The following CDH20 variants were observed in gnomAD, a reference collection of about 807,000 sequenced individuals.
CDH20 encodes cadherin-20.
A neutral mutation model predicts 74.2 loss-of-function variants in CDH20; 29 were observed. That is an observed-to-expected ratio of 0.39 (90% CI 0.29 to 0.53). The LOEUF (loss-of-function observed/expected upper bound fraction) is 0.53. Among genes scored for constraint, CDH20 ranks in the 20% least tolerant of loss-of-function variants. The pLI, the probability that CDH20 is intolerant of heterozygous loss-of-function variation, is 0.69. For synonymous variants in CDH20, 469 were observed against 405.4 expected, an observed-to-expected ratio of 1.16 and a Z score of -1.88; for missense variants, 988 against 1,048.3, an observed-to-expected ratio of 0.94 and a Z score of 0.79.
chr18:61,429,591 A>G (rs183335240), intron 1 of CDH20, among the ~76,000 whole-genome samples: 180 of 152,266 alleles, frequency 1.2e-3, no homozygotes, highest in Middle Eastern at 3.4e-3. Flanking sequence ...GCTTTTGTCA[A>G]ATTTGGCTTA....
At chr18:61,507,627 G>C in intron 6 of CDH20, 67 bp downstream of exon 6, 1 of 1,196,310 alleles carries the variant, frequency 8.4e-7, no homozygotes, top group Non-Finnish European at 1.2e-6. Context: ...TGCTAGTAAG[G>C]ACTGTTGTAT....
intron 1 of CDH20, among the ~76,000 whole-genome samples, chr18:61,469,708 A>G (rs1201661793): frequency 1.3e-5 from 2 of 152,244 alleles, no homozygotes; most frequent in African/African-American, 4.8e-5. Context: ...ATGTAAAGAG[A>G]AAATCACCCA....
rs776614074 is a variant in CDH20 at position 61,507,525 on chromosome 18, C to A, written c.982C>A (p.Pro328Thr). The change falls in exon 6 of 12, where the codon CCC becomes ACC. Residue 328 changes from proline to threonine, a missense_variant. By Grantham distance (38) the Pro-to-Thr change is conservative. Coordinates refer to ENST00000262717, the MANE Select transcript of CDH20 (RefSeq NM_031891.4). ...AGATGCCTTTGACATTAGCACAGAT[C>A]CCAATTTCCAAGTTGGTATCATAAC... Reference protein sequence around the residue: ...GADAFDISTDPNFQVGIITVK... With the variant: ...GADAFDISTDTNFQVGIITVK... The A allele has an allele frequency of 1.2e-6, 2 of 1,611,272 alleles. No individual in the cohort carries two copies. The highest frequency in any genetic ancestry group is 1.7e-4 in the Middle Eastern group (1 of 6,054).
At chr18:61,515,157 G>T (rs544746527) in intron 6 of CDH20, among the ~76,000 whole-genome samples, 28 of 152,100 alleles carry the variant, frequency 1.8e-4, no homozygotes, top group Non-Finnish European at 3.4e-4. Flanking sequence ...GCGAGACTCC[G>T]TGGGCCTAGG....
At chr18:61,499,603 G>A in intron 3 of CDH20, 123 bp downstream of exon 3, 1 of 802,462 alleles carries the variant, frequency 1.2e-6, no homozygotes, top group Non-Finnish European at 1.9e-6. Context: ...GAGCATGAGA[G>A]GAGAAGCTCA....
chr18:61,362,569 T>A (rs965423348), intron 1 of CDH20, among the ~76,000 whole-genome samples: 1 of 152,072 alleles, frequency 6.6e-6, no homozygotes, highest in Admixed American at 6.6e-5. Context: ...AATTAGACAT[T>A]ATGTTAGACA....
chr18:61,523,273 T>G (rs1220855716), intron 6 of CDH20, among the ~76,000 whole-genome samples: 4 of 150,994 alleles, frequency 2.6e-5, no homozygotes, highest in African/African-American at 9.7e-5. Flanking sequence ...GAACAGACAC[T>G]TCTCAAAAGA....
At chr18:61,459,687 C>T (rs560607915) in intron 1 of CDH20, among the ~76,000 whole-genome samples, 1 of 152,228 alleles carries the variant, frequency 6.6e-6, no homozygotes, top group East Asian at 1.9e-4. Context: ...GAAAAATCTG[C>T]AGGCTGACAC....
chr18:61,367,430 A>G (rs1219174953), intron 1 of CDH20, among the ~76,000 whole-genome samples: 1 of 152,174 alleles, frequency 6.6e-6, no homozygotes, highest in Non-Finnish European at 1.5e-5. Flanking sequence ...ACACAGATTT[A>G]TTATCTCACA....
At chr18:61,463,428 A>G (rs1378118562) in intron 1 of CDH20, among the ~76,000 whole-genome samples, 1 of 152,158 alleles carries the variant, frequency 6.6e-6, no homozygotes, top group African/African-American at 2.4e-5. Context: ...GAGTGTAGTC[A>G]AGATTGTTGT....
chr18:61,368,205 C>T (rs1910922407), intron 1 of CDH20, among the ~76,000 whole-genome samples: 1 of 152,030 alleles, frequency 6.6e-6, no homozygotes, highest in South Asian at 2.1e-4. Context: ...ACTCCATCTG[C>T]TGCTTTAATC....
intron 6 of CDH20, among the ~76,000 whole-genome samples, chr18:61,524,186 A>G (rs946398472): frequency 5.3e-5 from 8 of 152,300 alleles, no homozygotes; most frequent in South Asian, 4.1e-4. Flanking sequence ...GACCTCCTCA[A>G]GAAGACATAG....
In CDH20 at chr18:61,554,556, T is replaced by C. The variant is rs1319367783; in HGVS notation, c.2267T>C (p.Val756Ala). The C allele has an allele frequency of 2.3e-5, 37 of 1,610,756 alleles. No homozygotes were observed. Among genetic ancestry groups the C allele is most frequent in the Non-Finnish European group, 3.1e-5 (37 of 1,178,842 alleles). ...QTYMFEGDGSVAGSLSSLQSA... is the reference protein window; with the variant it reads ...QTYMFEGDGSAAGSLSSLQSA... ...TATATGTTCGAGGGGGACGGCTCTG[T>C]GGCGGGGTCGCTGAGCTCCCTGCAG... is the stretch of plus-strand genomic sequence containing the variant. Residue 756 changes from valine (V) to alanine (A), a missense_variant, in exon 12 of 12, where the codon GTG (valine) becomes GCG (alanine). By Grantham distance (64) the Val-to-Ala change is moderately conservative. Transcript: ENST00000262717.
In CDH20 at chr18:61,528,194, C is replaced by A. The variant is rs1912506015; in HGVS notation, c.1245C>A (p.Asp415Glu). 5 of 1,614,056 alleles carry A rather than the reference C, an allele frequency of 3.1e-6. No individual in the cohort carries two copies. Among genetic ancestry groups the A allele is most frequent in the Non-Finnish European group, 3.4e-6 (4 of 1,179,988 alleles). The change falls in exon 7 of 12, where the codon GAC (aspartate) becomes GAA (glutamate). Residue 415 changes from aspartate to glutamate, a missense_variant. Transcript: ENST00000262717. ...GTTIQIISAKDPDVTNNSIRY... is the reference protein window; with the variant it reads ...GTTIQIISAKEPDVTNNSIRY... ...CCATACAGATCATTTCTGCCAAGGA[C>A]CCAGATGTGACCAACAACTCAATCA...
intron 2 of CDH20, among the ~76,000 whole-genome samples, chr18:61,498,677 C>A (rs1034482071): frequency 6.6e-6 from 1 of 152,204 alleles, no homozygotes; most frequent in South Asian, 2.1e-4. Flanking sequence ...AGGTCATTCA[C>A]TTTTCTCACT....
intron 1 of CDH20, among the ~76,000 whole-genome samples, chr18:61,444,065 T>G (rs758148257): frequency 6.6e-6 from 1 of 152,130 alleles, no homozygotes; most frequent in African/African-American, 2.4e-5. Context: ...CTTTAGAGTT[T>G]GGGGCTTATA....
intron 1 of CDH20, among the ~76,000 whole-genome samples, chr18:61,420,954 G>C (rs1296510826): frequency 6.6e-6 from 1 of 152,136 alleles, no homozygotes; most frequent in African/African-American, 2.4e-5. Context: ...GGGAGGCTGA[G>C]GCAGGAGAAC....
chr18:61,409,466 G>A (rs1340625203), intron 1 of CDH20, among the ~76,000 whole-genome samples: 1 of 152,158 alleles, frequency 6.6e-6, no homozygotes, highest in Admixed American at 6.5e-5. Context: ...GGACTCAGAA[G>A]TCACACCACT....
intron 1 of CDH20, among the ~76,000 whole-genome samples, chr18:61,424,216 T>G (rs1395937838): frequency 6.6e-6 from 1 of 152,254 alleles, no homozygotes; most frequent in African/African-American, 2.4e-5. Flanking sequence ...TTTTTTGTGT[T>G]GGAAACATTT....
Sources: gnomAD v4.1 joint callset for allele counts (sites outside exome capture counted in the v4.1 genomes callset) on GRCh38, gnomAD v4.1.1 for gene constraint, MANE v1.5 for transcripts, NCBI Gene and HGNC (gene_info 2026-07-23, HGNC 2026-07-21) for gene names.